UNC5D: variants seen among roughly 807,000 people sequenced by gnomAD.
UNC5D encodes the protein unc-5 netrin receptor D.
In UNC5D, 39 loss-of-function variants were observed where a neutral mutation model predicts 105.4. The ratio of observed to expected loss-of-function variants is 0.37; its 90% CI spans 0.29 to 0.48. The LOEUF is 0.48. UNC5D is among the 20% of genes least tolerant of loss of function. The pLI is 0.98. For missense variants in UNC5D, 991 were observed against 1,202.4 expected, an observed-to-expected ratio of 0.82 and a Z score of 2.60; for synonymous variants, 452 against 450.4, an observed-to-expected ratio of 1.00 and a Z score of -0.04.
At chr8:35,668,303 G>T (rs1309386239) in intron 4 of UNC5D, among the ~76,000 whole-genome samples, 1 of 151,958 alleles carries the variant, frequency 6.6e-6, no homozygotes, top group Non-Finnish European at 1.5e-5. Flanking sequence ...TACAGACCAG[G>T]CAGTACATAC....
At chr8:35,373,125 T>G (rs923682893) in intron 1 of UNC5D, among the ~76,000 whole-genome samples, 1 of 152,226 alleles carries the variant, frequency 6.6e-6, no homozygotes, top group African/African-American at 2.4e-5. Context: ...TCACGTGTAC[T>G]TCTTCTGTGG....
At chr8:35,745,536 A>G (rs1447252420) in intron 11 of UNC5D, among the ~76,000 whole-genome samples, 2 of 152,234 alleles carry the variant, frequency 1.3e-5, no homozygotes, top group Non-Finnish European at 2.9e-5. Context: ...CAAAGCGTAC[A>G]CTGATGCAAT....
intron 4 of UNC5D, among the ~76,000 whole-genome samples, chr8:35,604,978 C>T (rs1378067099): frequency 6.6e-6 from 1 of 152,072 alleles, no homozygotes; most frequent in Non-Finnish European, 1.5e-5. Context: ...ACTTCTTCAC[C>T]ATTGGTTCAA....
At chr8:35,751,928 CAAG>C (rs903912337) in intron 13 of UNC5D, among the ~76,000 whole-genome samples, 63 of 152,050 alleles carry the variant, frequency 4.1e-4, no homozygotes, top group African/African-American at 1.4e-3. Flanking sequence ...AACACCACAT[CAAG>C]AGAAAAAAAG....
rs1457035531 is a variant in UNC5D at position 35,726,534 on chromosome 8, G to A, written c.1681+5G>A. 1.2e-6 allele frequency: 2 copies of A among 1,609,388 alleles called. No homozygotes were observed. The highest frequency in any genetic ancestry group is 1.1e-5 in the South Asian group (1 of 91,028). ...GCTTAGTAATGCCAAATACAGGTGGGTGGTAAGTGTGTGTTTGTGTATTTT... is the reference window on the plus strand; with the variant it reads ...GCTTAGTAATGCCAAATACAGGTGGATGGTAAGTGTGTGTTTGTGTATTTT... On this transcript the variant is annotated splice_donor_5th_base_variant and intron_variant, in intron 10 of 16. Coordinates refer to ENST00000404895, the MANE Select transcript of UNC5D (RefSeq NM_080872.4).
At chr8:35,684,105 T>C (rs569887269) in intron 5 of UNC5D, among the ~76,000 whole-genome samples, 1 of 152,290 alleles carries the variant, frequency 6.6e-6, no homozygotes, top group Admixed American at 6.5e-5. Flanking sequence ...TGTCAGGTAG[T>C]CTCTCCCCTG....
At chr8:35,252,687 A>AT (rs1054314456) in intron 1 of UNC5D, among the ~76,000 whole-genome samples, 1 of 152,056 alleles carries the variant, frequency 6.6e-6, no homozygotes, top group Non-Finnish European at 1.5e-5. Flanking sequence ...TGATTATCAG[A>AT]TTTTTTTCTA....
rs182193729 is a variant in UNC5D at position 35,467,161 on chromosome 8, C to T, written c.104-82131C>T. Among the ~76,000 whole-genome samples the T allele has an allele frequency of 3.0e-3, 449 of 152,196 alleles. 2 individuals are homozygous for T. Among genetic ancestry groups the T allele is most frequent in the Non-Finnish European group, 3.8e-3 (257 of 68,018 alleles). On this transcript the variant is annotated intron_variant, in intron 1 of 16. Transcript: ENST00000404895. The stretch of plus-strand genomic sequence containing the variant: ...TGTGTAAGTTCAGAAATTCGTACTC[C>T]CTCACAGTTTTTTCTTAAGACGAAT...
rs545245710 is a variant in UNC5D, at chr8:35,476,617, T to A, written c.104-72675T>A. Among the ~76,000 whole-genome samples the A allele has an allele frequency of 9.9e-5, 15 of 152,196 alleles. No individual in the cohort carries two copies. The South Asian group carries it at 3.1e-3, about 32-fold the overall frequency. ...TTCTCACCACTGCCAATGACAAGTG[T>A]CTTCCCTTCGTTTATTTCAGAGCTA... On this transcript the variant is annotated intron_variant, in intron 1 of 16. Transcript: ENST00000404895.
chr8:35,717,997 T>TC (rs1828351626), intron 8 of UNC5D, among the ~76,000 whole-genome samples: 1 of 152,196 alleles, frequency 6.6e-6, no homozygotes, highest in South Asian at 2.1e-4. Context: ...ATGCTCTGTG[T>TC]CCCTTCCAGC....
In UNC5D at chr8:35,235,625, G is replaced by A; in HGVS notation, c.-160G>A. 1 of 494,764 alleles carries A rather than the reference G, an allele frequency of 2.0e-6. No individual in the cohort carries two copies. The highest frequency in any genetic ancestry group is 3.1e-6 in the Non-Finnish European group (1 of 318,454). 30.6% of individuals were successfully genotyped at this position (494,764 alleles called of 1,614,324 possible). A position where few individuals can be genotyped will look rare whatever the true frequency, so the allele number is the denominator to read the frequency against. On this transcript the variant is annotated 5_prime_UTR_variant, in exon 1 of 17. Coordinates refer to ENST00000404895, the MANE Select transcript of UNC5D (RefSeq NM_080872.4). ...TTCTCGGGGTGCCCATTCAGCGGCGGCTCGGAGCTCCCTGCCCCGCTGCTT... is the reference window on the plus strand; with the variant it reads ...TTCTCGGGGTGCCCATTCAGCGGCGACTCGGAGCTCCCTGCCCCGCTGCTT...
At chr8:35,761,054 C>T (rs1801510174) in intron 14 of UNC5D, among the ~76,000 whole-genome samples, 1 of 151,896 alleles carries the variant, frequency 6.6e-6, no homozygotes, top group African/African-American at 2.4e-5. Context: ...TTCAGGGGGC[C>T]AGGGGCACAT....
chr8:35,703,279 CAT>C (rs1424308390), intron 7 of UNC5D, among the ~76,000 whole-genome samples: 6 of 151,770 alleles, frequency 4.0e-5, no homozygotes, highest in African/African-American at 1.2e-4. Flanking sequence ...TGATGACAAA[CAT>C]GTGCTAGCTC....
intron 1 of UNC5D, among the ~76,000 whole-genome samples, chr8:35,496,540 A>G (rs1298409408): frequency 1.3e-5 from 2 of 152,110 alleles, no homozygotes; most frequent in Non-Finnish European, 2.9e-5. Context: ...TAACGGTGGA[A>G]CTCAGGGATG....
chr8:35,460,357 G>C (rs1335626149), intron 1 of UNC5D, among the ~76,000 whole-genome samples: 1 of 152,154 alleles, frequency 6.6e-6, no homozygotes, highest in African/African-American at 2.4e-5. Context: ...GCCAACTCAG[G>C]AATCCTCATG....
chr8:35,322,487 C>T (rs1809824819), intron 1 of UNC5D, among the ~76,000 whole-genome samples: 1 of 152,112 alleles, frequency 6.6e-6, no homozygotes, highest in South Asian at 2.1e-4. Context: ...TCCATCTCTT[C>T]TACCTACAGT....
At chr8:35,612,533 A>G (rs1004834150) in intron 4 of UNC5D, among the ~76,000 whole-genome samples, 3 of 152,102 alleles carry the variant, frequency 2.0e-5, no homozygotes, top group African/African-American at 7.2e-5. Flanking sequence ...ACTTCTTCAA[A>G]TGGCTAAAAA....
intron 11 of UNC5D, among the ~76,000 whole-genome samples, chr8:35,744,916 G>A (rs1829929105): frequency 6.6e-6 from 1 of 152,118 alleles, no homozygotes; most frequent in Non-Finnish European, 1.5e-5. Flanking sequence ...AGCCGGGCAT[G>A]GTAGTATGTG....
chr8:35,347,147 T>A (rs971029390), intron 1 of UNC5D, among the ~76,000 whole-genome samples: 7 of 152,034 alleles, frequency 4.6e-5, no homozygotes, highest in African/African-American at 1.7e-4. Context: ...GTAATGTGAA[T>A]GTGGTCGACA....
Sources: gnomAD v4.1 joint callset for allele counts (sites outside exome capture counted in the v4.1 genomes callset) on GRCh38, gnomAD v4.1.1 for gene constraint, MANE v1.5 for transcripts, NCBI Gene and HGNC (gene_info 2026-07-23, HGNC 2026-07-21) for gene names.